INO80: variants seen among roughly 807,000 people sequenced by gnomAD.
The protein encoded by INO80 is chromatin-remodeling ATPase INO80.
In INO80, 20 loss-of-function variants were observed where a neutral mutation model predicts 203.4. The ratio of observed to expected loss-of-function variants is 0.10; its 90% CI spans 0.07 to 0.14. INO80 has a LOEUF of 0.14. INO80 is among the 10% of genes least tolerant of loss of function. The probability of loss-of-function intolerance (pLI) is 1.00; values close to 1 mark genes in which losing one functional copy is unlikely to be tolerated. For synonymous variants in INO80, 726 were observed against 685.2 expected (o/e 1.06, Z -0.93); for missense variants, 1,419 against 1,914.4 (o/e 0.74, Z 4.83).
chr15:41,070,712 A>C (rs1353496326), intron 12 of INO80, among the ~76,000 whole-genome samples, 165 bp from the exon 13 acceptor site: 1 of 152,236 alleles, frequency 6.6e-6, no homozygotes, highest in South Asian at 2.1e-4. Context: ...GCTTTTGCCA[A>C]TGCTACAGCT....
intron 5 of INO80, among the ~76,000 whole-genome samples, chr15:41,088,653 A>G (rs1422700088): frequency 6.6e-6 from 1 of 152,206 alleles, no homozygotes; most frequent in African/African-American, 2.4e-5. Context: ...TTTGTTTCAC[A>G]TATTACTAAT....
At chr15:41,090,101 CAT>C (rs1402506300) in intron 5 of INO80, among the ~76,000 whole-genome samples, 1 of 152,078 alleles carries the variant, frequency 6.6e-6, no homozygotes, top group Admixed American at 6.6e-5. Context: ...CTGGACAATG[CAT>C]ATATAAGATA....
chr15:41,065,753 C>A (rs1011008983), intron 14 of INO80, among the ~76,000 whole-genome samples: 2 of 152,114 alleles, frequency 1.3e-5, no homozygotes, highest in Non-Finnish European at 2.9e-5. Flanking sequence ...AGCTTGAAAA[C>A]TTTATACTCA....
chr15:41,115,909 G>A (rs1246599319), intron 1 of INO80, 64 bp downstream of exon 1: 6 of 381,610 alleles, frequency 1.6e-5, no homozygotes, highest in Non-Finnish European at 9.3e-6. Flanking sequence ...CGCCCGCAGA[G>A]AGGGGCGCAA....
At chr15:41,096,598 T>C (rs534639744) in intron 1 of INO80, among the ~76,000 whole-genome samples, 1 of 152,230 alleles carries the variant, frequency 6.6e-6, no homozygotes, top group East Asian at 1.9e-4. Flanking sequence ...ACAATGAAAA[T>C]TCATACTATA....
At chr15:41,058,488 T>G in intron 16 of INO80, 151 bp downstream of exon 16, 4 of 742,754 alleles carry the variant, frequency 5.4e-6, no homozygotes, top group Non-Finnish European at 8.1e-6. Context: ...AAGCGAGACC[T>G]TGTCTCTATT....
intron 28 of INO80, among the ~76,000 whole-genome samples, chr15:41,000,180 G>A (rs540590039): frequency 2.6e-5 from 4 of 152,264 alleles, no homozygotes; most frequent in African/African-American, 7.2e-5. Flanking sequence ...GCTTTGGTGG[G>A]TACAAAGGCA....
At chr15:40,985,260 A>G (rs1048406118) in intron 32 of INO80, 78 bp downstream of exon 32, 1 of 958,216 alleles carries the variant, frequency 1.0e-6, no homozygotes, top group Non-Finnish European at 1.7e-6. Flanking sequence ...CAAGATGAGA[A>G]GCCATGTACC....
At chr15:41,112,436 CT>C (rs2045970655) in intron 1 of INO80, among the ~76,000 whole-genome samples, 1 of 152,160 alleles carries the variant, frequency 6.6e-6, no homozygotes, top group Non-Finnish European at 1.5e-5. Context: ...CCTTCTCATT[CT>C]CTATATGCTA....
intron 1 of INO80, among the ~76,000 whole-genome samples, chr15:41,110,520 C>T (rs954525381): frequency 2.0e-5 from 3 of 152,114 alleles, no homozygotes; most frequent in Admixed American, 6.6e-5. Context: ...CGCACTATAG[C>T]CTTGACCTGC....
chr15:40,985,542 T>A, intron 31 of INO80, 116 bp from the exon 32 acceptor site: 1 of 781,968 alleles, frequency 1.3e-6, no homozygotes, highest in South Asian at 1.5e-5. Context: ...CACTTCTATC[T>A]GTTTAAGGCA....
At chr15:41,082,037 G>C (rs1282837285) in intron 7 of INO80, among the ~76,000 whole-genome samples, 1 of 151,270 alleles carries the variant, frequency 6.6e-6, no homozygotes, top group African/African-American at 2.4e-5. Flanking sequence ...ATCACTTGAG[G>C]TAATGAGTTT....
intron 1 of INO80, among the ~76,000 whole-genome samples, chr15:41,103,656 G>A (rs546331441): frequency 2.4e-3 from 358 of 152,152 alleles, no homozygotes; most frequent in East Asian, 5.0e-3. Context: ...CTCCCAAAGC[G>A]CTGGGATTAC....
Position 40,985,331 on chromosome 15 carries a change from G to A in INO80, c.3921+7C>T, listed in dbSNP as rs762726615. The A allele has an allele frequency of 5.0e-6, 8 of 1,611,044 alleles. No individual in the cohort carries two copies. In the South Asian group the frequency reaches 8.8e-5, roughly 18 times the overall value. On this transcript the variant is annotated splice_region_variant and intron_variant, in intron 32 of 35. Transcript: ENST00000648947. ...AGCCCCTATCCACCATTCCAGGCTG[G>A]AAATACCTTCTCTGCATACTTTTCC...
rs2045475966 is a variant in INO80 at position 41,080,918 on chromosome 15, G to T, written c.927+102C>A. On this transcript the variant is annotated intron_variant, in intron 8 of 35. Coordinates refer to ENST00000648947, the MANE Select transcript of INO80 (RefSeq NM_017553.3). ...CTCTCTTACGAACTATTAGATTCATGATCAACAGGTTACGACGGACAAGAG... is the reference window on the plus strand; with the variant it reads ...CTCTCTTACGAACTATTAGATTCATTATCAACAGGTTACGACGGACAAGAG... 7.1e-5 allele frequency: 53 copies of T among 748,870 alleles called. 1 individual carries two copies. The South Asian group carries it at 7.9e-4, about 11-fold the overall frequency. The allele number at this position is 748,870 out of a possible 1,614,324, so 46.4% of individuals were successfully genotyped here. A position where few individuals can be genotyped will look rare whatever the true frequency, so the allele number is the denominator to read the frequency against.
intron 1 of INO80, among the ~76,000 whole-genome samples, chr15:41,111,018 T>C (rs1287321762): frequency 6.6e-6 from 1 of 152,242 alleles, no homozygotes; most frequent in East Asian, 1.9e-4. Flanking sequence ...AAGGCAGCAA[T>C]GTCTACATTT....
intron 24 of INO80, among the ~76,000 whole-genome samples, chr15:41,043,813 C>T (rs1455318223): frequency 6.6e-6 from 1 of 152,168 alleles, no homozygotes; most frequent in Non-Finnish European, 1.5e-5. Context: ...TCCATATGAC[C>T]TGGACCTACA....
chr15:41,102,641 A>G (rs1333571063), intron 1 of INO80, among the ~76,000 whole-genome samples: 5 of 151,946 alleles, frequency 3.3e-5, no homozygotes, highest in Non-Finnish European at 1.5e-5. Flanking sequence ...ACTGCACTAC[A>G]CCCTGGGCAA....
chr15:41,052,263 T>C (rs2044888254), intron 19 of INO80, among the ~76,000 whole-genome samples: 1 of 152,218 alleles, frequency 6.6e-6, no homozygotes, highest in African/African-American at 2.4e-5. Flanking sequence ...GTGACATTGC[T>C]ATTTATTAGC....
Sources: gnomAD v4.1 joint callset for allele counts (sites outside exome capture counted in the v4.1 genomes callset) on GRCh38, gnomAD v4.1.1 for gene constraint, MANE v1.5 for transcripts, NCBI Gene and HGNC (gene_info 2026-07-23, HGNC 2026-07-21) for gene names.